Variants in CA3 observed in about 807,000 individuals in gnomAD.
CA3 encodes carbonic anhydrase 3.
A neutral mutation model predicts 35.7 loss-of-function variants in CA3; 30 were observed. That is an observed-to-expected ratio of 0.84 (90% CI 0.63 to 1.14). The LOEUF (loss-of-function observed/expected upper bound fraction) is 1.14. Ranked by LOEUF, CA3 falls within the 50% of genes most tolerant of loss-of-function variation. The pLI is 0.00. For missense variants in CA3, 295 were observed against 328.5 expected (o/e 0.90, Z 0.79); for synonymous variants, 131 against 130.8 (o/e 1.00, Z -0.01).
rs767559567 is a variant in CA3, at chr8:85,444,103, G to A, written c.421G>A (p.Ala141Thr). 5 of 1,611,698 alleles carry A rather than the reference G, an allele frequency of 3.1e-6. No individual in the cohort carries two copies. Among genetic ancestry groups the A allele is most frequent in the South Asian group, 1.1e-5 (1 of 91,028 alleles). Reference sequence around the variant, plus strand: ...AGCCCTGAAGCAGCGCGATGGGATCGCTGTGATTGGCATTTTTCTGAAGGT... The same window carrying A: ...AGCCCTGAAGCAGCGCGATGGGATCACTGTGATTGGCATTTTTCTGAAGGT... ...KEALKQRDGIAVIGIFLKIGH... is the reference protein window; with the variant it reads ...KEALKQRDGITVIGIFLKIGH... Residue 141 changes from alanine to threonine, a missense_variant, in exon 4 of 7, where the codon GCT (alanine) becomes ACT (threonine). Transcript: ENST00000285381.
intron 2 of CA3, among the ~76,000 whole-genome samples, chr8:85,440,925 A>G (rs973520817): frequency 6.6e-6 from 1 of 152,216 alleles, no homozygotes; most frequent in Admixed American, 6.5e-5. Context: ...AAACATATCT[A>G]TTAGGTTGAA....
intron 2 of CA3, among the ~76,000 whole-genome samples, chr8:85,440,356 G>A (rs1323226642): frequency 6.6e-6 from 1 of 152,150 alleles, no homozygotes; most frequent in South Asian, 2.1e-4. Flanking sequence ...TCTTCCCTTG[G>A]TGCCTGGGAG....
rs761335800 is a variant in CA3, at chr8:85,446,196, C to T, written c.562C>T (p.Arg188Trp). 1.2e-5 allele frequency: 19 copies of T among 1,613,722 alleles called. No homozygotes were observed. Among genetic ancestry groups the T allele is most frequent in the South Asian group, 2.2e-5 (2 of 91,022 alleles). Residue 188 changes from arginine (R) to tryptophan (W), a missense_variant, in exon 6 of 7, where the codon CGG (arginine) becomes TGG (tryptophan). Transcript: ENST00000285381. Reference protein sequence around the residue: ...FDPSCLFPACRDYWTYQGSFT... With the variant: ...FDPSCLFPACWDYWTYQGSFT... ...CCCATCCTGCCTGTTCCCGGCATGCCGGGACTACTGGACCTACCAGGGCTC... is the reference window on the plus strand; with the variant it reads ...CCCATCCTGCCTGTTCCCGGCATGCTGGGACTACTGGACCTACCAGGGCTC...
rs1430006658 is a variant in CA3 at position 85,438,878 on chromosome 8, G to A, written c.-32G>A. ...TCTGCACCACGCAGGGGAAGAGAAA[G>A]CAGGAGCCGTCCAGCACGGAGGAAG... On this transcript the variant is annotated 5_prime_UTR_variant, in exon 1 of 7. Transcript: ENST00000285381. 1 of 1,550,778 alleles carries A rather than the reference G, an allele frequency of 6.4e-7. No individual in the cohort carries two copies. Among genetic ancestry groups the A allele is most frequent in the East Asian group, 2.4e-5 (1 of 40,922 alleles).
chr8:85,443,445 A>G (rs1811234766), intron 3 of CA3, among the ~76,000 whole-genome samples: 1 of 152,200 alleles, frequency 6.6e-6, no homozygotes, highest in African/African-American at 2.4e-5. Context: ...ATCATTAGGC[A>G]TCTTAGTTCT....
At chr8:85,440,505 TTGTG>T (rs1811192908) in intron 2 of CA3, among the ~76,000 whole-genome samples, 1 of 152,192 alleles carries the variant, frequency 6.6e-6, no homozygotes, top group Admixed American at 6.5e-5. Context: ...GAGTAGTAGT[TTGTG>T]TGTGAGACAG....
rs958664370 is a variant in CA3 at position 85,446,267 on chromosome 8, G to A, written c.633G>A (p.Leu211=). The part of the protein sequence containing the change: ...PCEECIVWLL[L]KEPMTVSSDQ... Reference sequence around the variant, plus strand: ...AGGAATGCATTGTGTGGCTGCTGCTGAAGGAGCCCATGACCGTGAGCTCTG... The same window carrying A: ...AGGAATGCATTGTGTGGCTGCTGCTAAAGGAGCCCATGACCGTGAGCTCTG... Residue 211 remains leucine (L), a synonymous_variant, in exon 6 of 7, where the codon CTG becomes CTA. Transcript: ENST00000285381. The A allele has an allele frequency of 6.2e-7, 1 of 1,613,912 alleles. No individual in the cohort carries two copies. Among genetic ancestry groups the A allele is most frequent in the Non-Finnish European group, 8.5e-7 (1 of 1,179,884 alleles).
chr8:85,444,706 C>T (rs987550657), intron 4 of CA3, among the ~76,000 whole-genome samples: 3 of 152,208 alleles, frequency 2.0e-5, no homozygotes, highest in African/African-American at 7.2e-5. Context: ...AGGTGAAAAT[C>T]TGGCTTCTTT....
intron 5 of CA3, among the ~76,000 whole-genome samples, chr8:85,445,893 G>C (rs1021216550): frequency 2.0e-5 from 3 of 152,270 alleles, no homozygotes; most frequent in Admixed American, 6.5e-5. Context: ...AATTATCACA[G>C]ATAGTTCTAC....
intron 6 of CA3, among the ~76,000 whole-genome samples, chr8:85,447,074 G>A (rs1437583547): frequency 6.6e-6 from 1 of 152,084 alleles, no homozygotes; most frequent in Non-Finnish European, 1.5e-5. Context: ...TATGTCAGTT[G>A]TAAACTCAAG....
chr8:85,446,953 T>C (rs940648255), intron 6 of CA3, among the ~76,000 whole-genome samples: 1 of 152,156 alleles, frequency 6.6e-6, no homozygotes, highest in African/African-American at 2.4e-5. Context: ...GAAAAACAGA[T>C]TGAAGCAAGT....
intron 2 of CA3, 58 bp downstream of exon 2, chr8:85,439,967 A>G: frequency 7.3e-7 from 1 of 1,365,380 alleles, no homozygotes; most frequent in East Asian, 2.3e-5. Context: ...TATTGACAAA[A>G]TGTGGTTTAT....
chr8:85,440,329 A>G (rs1395056246), intron 2 of CA3, among the ~76,000 whole-genome samples: 1 of 152,146 alleles, frequency 6.6e-6, no homozygotes, highest in Non-Finnish European at 1.5e-5. Context: ...TACAATAGAA[A>G]CCCTAAATAG....
At position 85,445,019 on chromosome 8, in the gene CA3, T is replaced by C. The variant is rs1052942584; in HGVS notation, c.445-137T>C. 7.4e-6 allele frequency: 4 copies of C among 540,704 alleles called. No individual in the cohort carries two copies. The South Asian group carries it at 9.5e-5, about 13-fold the overall frequency. 33.5% of individuals were successfully genotyped at this position (540,704 alleles called of 1,614,324 possible). ...AAAATCTTGAGGAAAAATAAACTTATGTTTTTGCTTAGTACGAGATATTCT... is the reference window on the plus strand; with the variant it reads ...AAAATCTTGAGGAAAAATAAACTTACGTTTTTGCTTAGTACGAGATATTCT... On this transcript the variant is annotated intron_variant, in intron 4 of 6. Coordinates refer to ENST00000285381, the MANE Select transcript of CA3 (RefSeq NM_005181.4).
In CA3 at chr8:85,446,188, C is replaced by T. The variant is rs772502311; in HGVS notation, c.554C>T (p.Pro185Leu). 15 of 1,613,476 alleles carry T rather than the reference C, an allele frequency of 9.3e-6. No individual in the cohort carries two copies. Among genetic ancestry groups the T allele is most frequent in the African/African-American group, 6.7e-5 (5 of 74,930 alleles). ...AAGTTTGACCCATCCTGCCTGTTCC[C>T]GGCATGCCGGGACTACTGGACCTAC... ...FTKFDPSCLF[P>L]ACRDYWTYQG... The change falls in exon 6 of 7, where the codon CCG becomes CTG. Residue 185 changes from proline (P) to leucine (L), a missense_variant. Pro to Leu is a moderately conservative substitution (Grantham distance 98). Transcript: ENST00000285381.
chr8:85,447,154 A>G (rs527636724), intron 6 of CA3, among the ~76,000 whole-genome samples: 14 of 152,276 alleles, frequency 9.2e-5, no homozygotes, highest in Middle Eastern at 3.4e-3. Flanking sequence ...ATTTTGAAAG[A>G]ATGAAATTTT....
Position 85,439,968 on chromosome 8 carries a change from T to C in CA3, c.232+59T>C. ...GTTTTCAAGGTCCATATTGACAAAA[T>C]GTGGTTTATGACACAGTACCAGAAT... is the stretch of plus-strand genomic sequence containing the variant. On this transcript the variant is annotated intron_variant, in intron 2 of 6. Transcript: ENST00000285381. 5 of 1,371,092 alleles carry C rather than the reference T, an allele frequency of 3.6e-6. No homozygotes were observed. The South Asian group carries it at 4.7e-5, about 13-fold the overall frequency. 84.9% of individuals were successfully genotyped at this position (1,371,092 alleles called of 1,614,324 possible).
In CA3 at chr8:85,446,310, G is replaced by GT. The variant is rs202060776; in HGVS notation, c.663+14dup. 1.6e-3 allele frequency: 2,569 copies of GT among 1,607,124 alleles called. 41 individuals carry two copies. In the African/African-American group the frequency reaches 0.03, roughly 19 times the overall value. The stretch of plus-strand genomic sequence containing the variant: ...GAGCTCTGACCAGGTGAGCAGCCTT[G>GT]TGAACACGTGGGCTTATGTTGCTGT... On this transcript the variant is annotated intron_variant, in intron 6 of 6. Coordinates refer to ENST00000285381, the MANE Select transcript of CA3 (RefSeq NM_005181.4).
Position 85,448,240 on chromosome 8 carries a change from A to T in CA3, c.*87A>T. On this transcript the variant is annotated 3_prime_UTR_variant, in exon 7 of 7. Transcript: ENST00000285381. ...CCTCCTTCTGGTGCTCCTTACTCCA[A>T]GTCTATTTCATTTTTCCACACTGAG... is the stretch of plus-strand genomic sequence containing the variant. 7.3e-7 allele frequency: 1 copy of T among 1,374,596 alleles called. No homozygotes were observed. Among genetic ancestry groups the T allele is most frequent in the Non-Finnish European group, 9.9e-7 (1 of 1,013,876 alleles). The allele number at this position is 1,374,596 out of a possible 1,614,324, so 85.1% of individuals were successfully genotyped here. A position where few individuals can be genotyped will look rare whatever the true frequency, so the allele number is the denominator to read the frequency against.
Sources: gnomAD v4.1 joint callset for allele counts (sites outside exome capture counted in the v4.1 genomes callset) on GRCh38, gnomAD v4.1.1 for gene constraint, MANE v1.5 for transcripts, NCBI Gene and HGNC (gene_info 2026-07-23, HGNC 2026-07-21) for gene names.